The following CRTC3 variants were observed in gnomAD, a reference collection of about 807,000 sequenced individuals.
CRTC3 encodes CREB regulated transcription coactivator 3, also known as CREB-regulated transcription coactivator 3.
CRTC3 carries 26 observed loss-of-function variants against 74.5 expected under a neutral mutation model. That is an observed-to-expected ratio of 0.35 (90% CI 0.26 to 0.48). The LOEUF (loss-of-function observed/expected upper bound fraction) is 0.48. CRTC3 is among the 20% of genes least tolerant of loss of function. The pLI is 0.99. For missense variants in CRTC3, 760 were observed against 787.3 expected (o/e 0.97, Z 0.41); for synonymous variants, 377 against 325.8 (o/e 1.16, Z -1.69).
At chr15:90,614,160 G>C in intron 6 of CRTC3, 1 of 299,954 alleles carries the variant, frequency 3.3e-6, no homozygotes. Context: ...GGTTTGAATA[G>C]AGATTCTCAG....
At chr15:90,625,393 C>CT (rs1968798120) in intron 9 of CRTC3, among the ~76,000 whole-genome samples, 1 of 152,214 alleles carries the variant, frequency 6.6e-6, no homozygotes, top group South Asian at 2.1e-4. Flanking sequence ...TGGAAGGTAG[C>CT]TAGTTACTCA....
At chr15:90,583,131 A>G (rs2151074054) in intron 2 of CRTC3, among the ~76,000 whole-genome samples, 1 of 151,996 alleles carries the variant, frequency 6.6e-6, no homozygotes, top group East Asian at 1.9e-4. Context: ...AGCCACCACC[A>G]CACCCAGCCA....
chr15:90,559,480 T>C (rs1264141777), intron 2 of CRTC3, among the ~76,000 whole-genome samples: 1 of 152,192 alleles, frequency 6.6e-6, no homozygotes, highest in Non-Finnish European at 1.5e-5. Flanking sequence ...AAAACCTCTC[T>C]AAACTTTAAT....
intron 2 of CRTC3, among the ~76,000 whole-genome samples, chr15:90,564,859 G>C (rs535110060): frequency 6.6e-6 from 1 of 150,632 alleles, no homozygotes; most frequent in East Asian, 1.9e-4. Flanking sequence ...TGGGTTCAAA[G>C]CCTGTCTCTA....
chr15:90,619,694 AT>A (rs754454231), intron 8 of CRTC3, 46 bp from the exon 9 acceptor site: 1 of 1,572,944 alleles, frequency 6.4e-7, no homozygotes. Context: ...AAAAACTTGA[AT>A]TTGGCTTTAC....
intron 4 of CRTC3, among the ~76,000 whole-genome samples, chr15:90,602,653 A>AAACAACAACAAC (rs145435527): frequency 6.7e-6 from 1 of 150,374 alleles, no homozygotes; most frequent in Non-Finnish European, 1.5e-5. Context: ...CAAACAAACA[A>AAACAACAACAAC]AACAACAACA....
At chr15:90,609,637 TGCTAAGA>T (rs1248126212) in intron 6 of CRTC3, among the ~76,000 whole-genome samples, 4 of 152,206 alleles carry the variant, frequency 2.6e-5, no homozygotes, top group Non-Finnish European at 5.9e-5. Context: ...GAGGCTTGCA[TGCTAAGA>T]AAAAGAAAGT....
At chr15:90,600,074 T>C (rs542141827) in intron 3 of CRTC3, among the ~76,000 whole-genome samples, 2 of 152,374 alleles carry the variant, frequency 1.3e-5, no homozygotes, top group African/African-American at 4.8e-5. Flanking sequence ...GCCTCATCTG[T>C]ACTTCATGTA....
intron 2 of CRTC3, among the ~76,000 whole-genome samples, chr15:90,542,298 C>T (rs1306296771): frequency 6.6e-6 from 1 of 151,912 alleles, no homozygotes; most frequent in Non-Finnish European, 1.5e-5. Context: ...TCTGCCTCAG[C>T]CTCCCAAGTA....
intron 6 of CRTC3, among the ~76,000 whole-genome samples, chr15:90,611,697 T>G (rs1418918684): frequency 1.3e-5 from 2 of 152,124 alleles, no homozygotes; most frequent in South Asian, 4.1e-4. Context: ...CCCAGCAGTA[T>G]GTCTCAAATC....
intron 2 of CRTC3, among the ~76,000 whole-genome samples, chr15:90,557,798 C>G (rs1233501576): frequency 6.6e-6 from 1 of 152,026 alleles, no homozygotes; most frequent in African/African-American, 2.4e-5. Flanking sequence ...GGCCTCAAGT[C>G]ACCATTGCTG....
Position 90,641,913 on chromosome 15 carries a change from C to G in CRTC3, c.1652-19C>G. ...CGCCTCCTAACCGCACTGTTTTCCC[C>G]TCTGGCCACTCCTTTCAGAAGACTC... On this transcript the variant is annotated intron_variant, in intron 14 of 14. Coordinates refer to ENST00000268184, the MANE Select transcript of CRTC3 (RefSeq NM_022769.5). 1.2e-6 allele frequency: 2 copies of G among 1,611,464 alleles called. No homozygotes were observed. The highest frequency in any genetic ancestry group is 1.7e-6 in the Non-Finnish European group (2 of 1,178,918).
rs1191032523 is a variant in CRTC3 at position 90,625,934 on chromosome 15, G to A, written c.908G>A (p.Gly303Glu). The A allele has an allele frequency of 3.1e-6, 5 of 1,614,132 alleles. No individual in the cohort carries two copies. The highest frequency in any genetic ancestry group is 4.2e-6 in the Non-Finnish European group (5 of 1,180,034). Residue 303 changes from glycine to glutamate, a missense_variant, in exon 10 of 15, where the codon GGG (glycine) becomes GAG (glutamate). Transcript: ENST00000268184. ...CACCACTTTGGCAGTATGAGTGTGG[G>A]GAATAGTGTGAACAACATCCCAGCT... ...TDHHFGSMSV[G>E]NSVNNIPAAM...
At chr15:90,595,801 A>T (rs1171510860) in intron 3 of CRTC3, 1 of 152,230 alleles carries the variant, frequency 6.6e-6, no homozygotes, top group Non-Finnish European at 1.5e-5. Context: ...TTATTCACTT[A>T]TAAAAATTAT....
intron 2 of CRTC3, among the ~76,000 whole-genome samples, chr15:90,552,596 G>A (rs896443685): frequency 6.6e-6 from 1 of 152,174 alleles, no homozygotes; most frequent in East Asian, 1.9e-4. Flanking sequence ...CGGGCAGCAG[G>A]CAAACCTGGT....
intron 11 of CRTC3, among the ~76,000 whole-genome samples, chr15:90,633,062 C>T (rs575548914): frequency 6.6e-5 from 10 of 152,208 alleles, no homozygotes; most frequent in Non-Finnish European, 1.2e-4. Context: ...CAATTTCCTA[C>T]CCACCCTCCT....
intron 4 of CRTC3, chr15:90,604,116 C>T (rs979329457): frequency 8.5e-6 from 3 of 352,046 alleles, no homozygotes; most frequent in Non-Finnish European, 1.6e-5. Flanking sequence ...ACACTGAACT[C>T]CTCATCTGCC....
intron 6 of CRTC3, 145 bp from the exon 7 acceptor site, chr15:90,614,308 C>T (rs929381840): frequency 1.7e-6 from 1 of 585,720 alleles, no homozygotes; most frequent in African/African-American, 1.9e-5. Flanking sequence ...GATAAAGCAC[C>T]TTAAATGAAA....
intron 2 of CRTC3, among the ~76,000 whole-genome samples, chr15:90,579,535 C>T (rs563097459): frequency 1.8e-4 from 27 of 152,126 alleles, no homozygotes; most frequent in Non-Finnish European, 3.1e-4. Flanking sequence ...CACTGGCTGT[C>T]CCCTTCCCCT....
Sources: gnomAD v4.1 joint callset for allele counts (sites outside exome capture counted in the v4.1 genomes callset) on GRCh38, gnomAD v4.1.1 for gene constraint, MANE v1.5 for transcripts, NCBI Gene and HGNC (gene_info 2026-07-23, HGNC 2026-07-21) for gene names.